The following NLRP7 variants were observed in gnomAD, a reference collection of about 807,000 sequenced individuals.
The protein encoded by NLRP7 is NLR family pyrin domain containing 7.
Under a neutral mutation model 85.5 loss-of-function variants are expected in NLRP7, and 72 were observed. The observed-to-expected ratio is 0.84, with a 90% confidence interval of 0.70 to 1.02. The LOEUF is 1.02. NLRP7 is among the 50% of genes least tolerant of loss of function. The pLI, the probability that NLRP7 is intolerant of heterozygous loss-of-function variation, is 0.00. For missense variants in NLRP7, 1,243 were observed against 1,219.5 expected (o/e 1.02, Z -0.29); for synonymous variants, 550 against 505.2 (o/e 1.09, Z -1.19).
intron 1 of NLRP7, among the ~76,000 whole-genome samples, chr19:54,960,998 G>A (rs1199158430): frequency 6.6e-6 from 1 of 152,060 alleles, no homozygotes; most frequent in East Asian, 1.9e-4. Context: ...AAAAATGCTA[G>A]AACTGAGTGG....
chr19:54,955,400 G>T (rs571617931), intron 1 of NLRP7, among the ~76,000 whole-genome samples: 2 of 152,278 alleles, frequency 1.3e-5, no homozygotes, highest in East Asian at 3.9e-4. Context: ...CAGGCATGGT[G>T]GCACATGCCT....
intron 1 of NLRP7, among the ~76,000 whole-genome samples, chr19:54,959,344 G>A (rs1430285915): frequency 2.0e-5 from 3 of 148,978 alleles, no homozygotes; most frequent in Non-Finnish European, 4.5e-5. Flanking sequence ...TCACCATGTT[G>A]GCCAGGCTGG....
chr19:54,945,040 C>T (rs1165249234), intron 1 of NLRP7, among the ~76,000 whole-genome samples: 1 of 151,554 alleles, frequency 6.6e-6, no homozygotes, highest in African/African-American at 2.4e-5. Context: ...GAGCTCAAGA[C>T]CATCCTGGCT....
rs767630307 is a variant in NLRP7 at position 54,936,366 on chromosome 19, G to A, written c.2195C>T (p.Thr732Ile). The A allele has an allele frequency of 2.5e-6, 4 of 1,613,866 alleles. No homozygotes were observed. The South Asian group carries it at 4.4e-5, about 18-fold the overall frequency. ...CCCTGCCAGGGTCAGGTGCGTGAGG[G>A]TCTTCTTCCCAATGAAAGCAAGACA... is the stretch of plus-strand genomic sequence containing the variant. The change falls in exon 6 of 10, where the codon ACC becomes ATC. Residue 732 changes from threonine (T) to isoleucine (I), a missense_variant. Coordinates refer to ENST00000340844, the Ensembl canonical transcript of NLRP7.
At chr19:54,931,096 G>A (rs2068658322) in intron 8 of NLRP7, among the ~76,000 whole-genome samples, 1 of 152,120 alleles carries the variant, frequency 6.6e-6, no homozygotes, top group African/African-American at 2.4e-5. Flanking sequence ...CCATGAACTG[G>A]AGCTATATAC....
exon 4 of NLRP7, chr19:54,939,212 G>A: frequency 6.2e-7 from 1 of 1,614,238 alleles, no homozygotes; most frequent in Non-Finnish European, 8.5e-7. Flanking sequence ...GCCAAAAGTG[G>A]CCTCCAACTC....
At chr19:54,943,485 C>T (rs1222084923) in intron 1 of NLRP7, among the ~76,000 whole-genome samples, 2 of 151,650 alleles carry the variant, frequency 1.3e-5, no homozygotes, top group Non-Finnish European at 2.9e-5. Flanking sequence ...CCTGTAGTCC[C>T]AGCTACTCGG....
At chr19:54,964,358 A>AG (rs1568447043) in intron 1 of NLRP7, among the ~76,000 whole-genome samples, 1 of 149,382 alleles carries the variant, frequency 6.7e-6, no homozygotes, top group Non-Finnish European at 1.5e-5. Flanking sequence ...CTGGGACTAC[A>AG]GGTGCCCGCC....
chr19:54,940,791 C>T, intron 3 of NLRP7, 140 bp downstream of exon 3: 2 of 729,510 alleles, frequency 2.7e-6, no homozygotes, highest in Non-Finnish European at 4.9e-6. Context: ...GGAGCCACTA[C>T]ACTCCAGCCT....
chr19:54,941,442 C>A (rs1231633752), exon 2 of NLRP7: 1 of 1,464,486 alleles, frequency 6.8e-7, no homozygotes. Context: ...TACCCATCAT[C>A]TCAGCCTTTG....
intron 5 of NLRP7, among the ~76,000 whole-genome samples, chr19:54,937,178 A>ACT (rs933138143): frequency 1.3e-5 from 2 of 151,504 alleles, no homozygotes; most frequent in African/African-American, 4.9e-5. Context: ...AGATTGCTGC[A>ACT]CTGCACTCCA....
At chr19:54,945,748 C>T (rs1345629187) in intron 1 of NLRP7, among the ~76,000 whole-genome samples, 2 of 151,032 alleles carry the variant, frequency 1.3e-5, no homozygotes, top group Non-Finnish European at 3.0e-5. Flanking sequence ...ACAGGCGCAC[C>T]GCATCACGCC....
At chr19:54,958,782 T>TC (rs35506315) in intron 1 of NLRP7, among the ~76,000 whole-genome samples, 57,654 of 151,886 alleles carry the variant, frequency 0.38, 13,758 homozygotes, top group African/African-American at 0.68. Flanking sequence ...GCTGGGAGCA[T>TC]CGGCAAGCTA....
rs201605286 is a variant in NLRP7 at position 54,934,503 on chromosome 19, G to A, written c.2457C>T (p.Phe819=). Residue 819 remains phenylalanine, a synonymous_variant, in exon 7 of 10, where the codon TTC becomes TTT. Transcript: ENST00000340844. The surrounding 1 kb of genome is among the most constrained non-coding windows in gnomAD (Gnocchi z 6.7). The stretch of plus-strand genomic sequence containing the variant: ...AGGAGACTTACGACAACATCTGCAG[G>A]AAGTGTTTTGGGCGTGTCATGGTCT... 8 of 1,614,148 alleles carry A rather than the reference G, an allele frequency of 5.0e-6. No homozygotes were observed. The highest frequency in any genetic ancestry group is 1.3e-5 in the African/African-American group (1 of 75,052).
At chr19:54,953,394 C>T (rs1569542129) in intron 1 of NLRP7, 1 of 152,260 alleles carries the variant, frequency 6.6e-6, no homozygotes, top group South Asian at 2.1e-4. Flanking sequence ...GCTGCATGCA[C>T]TGGTAATCAG....
intron 9 of NLRP7, among the ~76,000 whole-genome samples, chr19:54,925,385 G>A (rs568224423): frequency 4.3e-4 from 66 of 152,254 alleles, no homozygotes; most frequent in African/African-American, 1.3e-3. Context: ...AACTGCAGAC[G>A]TGTGAAAAAT....
chr19:54,930,259 G>GAATTCA (rs1366943749), intron 9 of NLRP7, among the ~76,000 whole-genome samples: 13 of 151,892 alleles, frequency 8.6e-5, no homozygotes, highest in Non-Finnish European at 2.9e-5. Flanking sequence ...TTGAGCACCA[G>GAATTCA]AATTCAAAAC....
intron 8 of NLRP7, among the ~76,000 whole-genome samples, chr19:54,933,102 A>T (rs1054694076): frequency 1.2e-4 from 18 of 152,100 alleles, no homozygotes; most frequent in Non-Finnish European, 2.1e-4. Flanking sequence ...CTCTGCTGAC[A>T]TGCAAATATT....
At chr19:54,956,150 AGGAG>A (rs201446689) in intron 1 of NLRP7, among the ~76,000 whole-genome samples, 5,459 of 150,176 alleles carry the variant, frequency 0.036, 322 homozygotes, top group African/African-American at 0.13. Context: ...GAAGGAGGGA[AGGAG>A]GGAAGGAGGG....
Sources: allele counts gnomAD v4.1 joint callset (sites outside exome capture counted in the v4.1 genomes callset), GRCh38; gene constraint gnomAD v4.1.1; non-coding constraint Gnocchi (gnomAD v3.1); transcripts MANE v1.5; gene names NCBI Gene and HGNC (gene_info 2026-07-23, HGNC 2026-07-21).